BMPER: variants seen among roughly 807,000 people sequenced by gnomAD.
BMPER encodes the protein BMP binding endothelial regulator.
Under a neutral mutation model 87.3 loss-of-function variants are expected in BMPER, and 45 were observed. The ratio of observed to expected loss-of-function variants is 0.52; its 90% confidence interval spans 0.41 to 0.66. The LOEUF (loss-of-function observed/expected upper bound fraction) is 0.66. Among genes scored for constraint, BMPER ranks in the 30% least tolerant of loss-of-function variants. The pLI is 0.00. For missense variants in BMPER, 784 were observed against 867.5 expected (o/e 0.90, Z 1.21); for synonymous variants, 326 against 316.2 (o/e 1.03, Z -0.33).
chr7:34,144,906 A>C (rs535442446), intron 14 of BMPER, among the ~76,000 whole-genome samples: 1 of 152,194 alleles, frequency 6.6e-6, no homozygotes, highest in East Asian at 1.9e-4. Flanking sequence ...TGACTCCACA[A>C]TGTCTACATT....
chr7:33,933,140 C>T (rs1240119984), intron 2 of BMPER, among the ~76,000 whole-genome samples: 1 of 152,192 alleles, frequency 6.6e-6, no homozygotes, highest in African/African-American at 2.4e-5. Context: ...GGCTCAAATC[C>T]TTATAGAGCT....
intron 2 of BMPER, among the ~76,000 whole-genome samples, chr7:33,907,229 A>G (rs1783844354): frequency 6.6e-6 from 1 of 152,150 alleles, no homozygotes; most frequent in Admixed American, 6.5e-5. Context: ...TTCTTGGGAC[A>G]ACAAAACTTT....
chr7:34,105,046 C>G (rs1435081344), intron 13 of BMPER, among the ~76,000 whole-genome samples: 1 of 152,112 alleles, frequency 6.6e-6, no homozygotes, highest in Non-Finnish European at 1.5e-5. Context: ...AAGCAATTGG[C>G]TAGGAATGTG....
chr7:34,054,237 C>T (rs1788219157), intron 8 of BMPER, among the ~76,000 whole-genome samples: 1 of 152,150 alleles, frequency 6.6e-6, no homozygotes, highest in African/African-American at 2.4e-5. Context: ...TAGTGCTAGG[C>T]ACCACAGTCT....
At chr7:33,937,653 G>T (rs918511169) in intron 3 of BMPER, 10 of 475,960 alleles carry the variant, frequency 2.1e-5, no homozygotes, top group African/African-American at 3.9e-5. Context: ...AAGGCAGGTT[G>T]TTAAAATGTC....
intron 13 of BMPER, among the ~76,000 whole-genome samples, chr7:34,097,355 C>T (rs1789556062): frequency 6.6e-6 from 1 of 152,152 alleles, no homozygotes; most frequent in East Asian, 1.9e-4. Flanking sequence ...AAAGCAAAAG[C>T]AGAGGCCAAA....
chr7:33,941,771 A>C (rs944250185), intron 3 of BMPER, among the ~76,000 whole-genome samples: 17 of 152,092 alleles, frequency 1.1e-4, no homozygotes, highest in African/African-American at 4.1e-4. Context: ...CCCACCTCTC[A>C]CCTCCTGATA....
chr7:34,048,598 T>A (rs1458046669), intron 7 of BMPER, among the ~76,000 whole-genome samples: 1 of 152,168 alleles, frequency 6.6e-6, no homozygotes, highest in Non-Finnish European at 1.5e-5. Flanking sequence ...CATTTGGGTC[T>A]GGCTCCAAAG....
intron 13 of BMPER, among the ~76,000 whole-genome samples, chr7:34,136,958 G>C (rs1790736133): frequency 6.6e-6 from 1 of 152,236 alleles, no homozygotes; most frequent in South Asian, 2.1e-4. Context: ...GCCTCTGTCT[G>C]ACAGGCATGG....
chr7:34,150,779 A>G (rs1433115812), intron 14 of BMPER, among the ~76,000 whole-genome samples: 2 of 152,134 alleles, frequency 1.3e-5, no homozygotes, highest in Admixed American at 6.5e-5. Context: ...AATGTTAAAC[A>G]CCATACTCCT....
At chr7:34,044,698 G>A (rs557099320) in intron 6 of BMPER, among the ~76,000 whole-genome samples, 1 of 152,208 alleles carries the variant, frequency 6.6e-6, no homozygotes, top group South Asian at 2.1e-4. Flanking sequence ...CGGAAATAAT[G>A]TAAAAACAAC....
At chr7:34,099,894 GT>G (rs10706249) in intron 13 of BMPER, among the ~76,000 whole-genome samples, 106,254 of 149,890 alleles carry the variant, frequency 0.71, 38,020 homozygotes, top group East Asian at 0.93. Context: ...GTCACAGTTT[GT>G]TTTTTTTTTC....
At chr7:34,022,592 C>G (rs1293772722) in intron 6 of BMPER, among the ~76,000 whole-genome samples, 1 of 150,866 alleles carries the variant, frequency 6.6e-6, no homozygotes, top group East Asian at 2.0e-4. Context: ...TTACAGGCAA[C>G]TTTCTGAGCT....
chr7:34,003,828 C>T (rs900082561), intron 6 of BMPER, among the ~76,000 whole-genome samples: 2 of 151,960 alleles, frequency 1.3e-5, no homozygotes. Context: ...TTTTCTCTTG[C>T]TGCTTTCAAA....
chr7:33,931,009 T>TTTTCAGC (rs1784467009), intron 2 of BMPER, among the ~76,000 whole-genome samples: 1 of 152,178 alleles, frequency 6.6e-6, no homozygotes, highest in Admixed American at 6.5e-5. Flanking sequence ...CACACTTCTT[T>TTTTCAGC]TTTCAGCTTT....
chr7:33,952,022 A>G (rs761222904), intron 3 of BMPER, among the ~76,000 whole-genome samples: 1 of 152,226 alleles, frequency 6.6e-6, no homozygotes, highest in Non-Finnish European at 1.5e-5. Flanking sequence ...GTGTATTTTC[A>G]TATGGTAGTG....
chr7:34,036,766 C>T (rs988935196), intron 6 of BMPER, among the ~76,000 whole-genome samples: 5 of 152,150 alleles, frequency 3.3e-5, no homozygotes, highest in African/African-American at 1.2e-4. Context: ...ACACCCAGAA[C>T]CAGTTGGAAT....
intron 6 of BMPER, among the ~76,000 whole-genome samples, chr7:34,002,749 A>G (rs1053537510): frequency 6.6e-6 from 1 of 151,668 alleles, no homozygotes; most frequent in Non-Finnish European, 1.5e-5. Context: ...GCCTCTTATT[A>G]TTGTAAAATG....
chr7:33,922,608 C>G (rs1784261473), intron 2 of BMPER, among the ~76,000 whole-genome samples: 1 of 152,134 alleles, frequency 6.6e-6, no homozygotes, highest in Non-Finnish European at 1.5e-5. Flanking sequence ...ACTGGCCCAA[C>G]CAGAAAGAGA....
Sources: gnomAD v4.1 joint callset for allele counts (sites outside exome capture counted in the v4.1 genomes callset) on GRCh38, gnomAD v4.1.1 for gene constraint, MANE v1.5 for transcripts, NCBI Gene and HGNC (gene_info 2026-07-23, HGNC 2026-07-21) for gene names.